The following CTSH variants were observed in gnomAD, a reference collection of about 807,000 sequenced individuals.
The protein encoded by CTSH is cathepsin H.
A neutral mutation model predicts 56.3 loss-of-function variants in CTSH; 52 were observed. The ratio of observed to expected loss-of-function variants is 0.92; its 90% CI spans 0.74 to 1.16. The LOEUF is 1.16. CTSH is among the 50% of genes most tolerant of loss of function. The probability of loss-of-function intolerance (pLI) is 0.00; values close to 1 mark genes in which losing one functional copy is unlikely to be tolerated. For synonymous variants in CTSH, 174 were observed against 155.7 expected, an observed-to-expected ratio of 1.12 and a Z score of -0.88; for missense variants, 406 against 424.5, an observed-to-expected ratio of 0.96 and a Z score of 0.38.
chr15:78,922,715 C>T (rs1461828803), intron 11 of CTSH, among the ~76,000 whole-genome samples: 1 of 152,218 alleles, frequency 6.6e-6, no homozygotes, highest in Non-Finnish European at 1.5e-5. Context: ...AGCAGAGTTC[C>T]AAGTTCTGAG....
chr15:78,937,180 C>A (rs1375639120), intron 3 of CTSH, 138 bp downstream of exon 3: 6 of 673,212 alleles, frequency 8.9e-6, no homozygotes, highest in Non-Finnish European at 1.6e-5. Flanking sequence ...ACAGCGGAGC[C>A]ACAATCTGAG....
At chr15:78,941,422 TAAAAAAAAA>T (rs35226827) in intron 1 of CTSH, among the ~76,000 whole-genome samples, 2 of 48,436 alleles carry the variant, frequency 4.1e-5, no homozygotes, top group Non-Finnish European at 6.4e-5. Flanking sequence ...AGACTCTGTC[TAAAAAAAAA>T]AAAAAAAAAA....
chr15:78,936,168 T>C (rs2055170379), intron 3 of CTSH, among the ~76,000 whole-genome samples: 1 of 139,600 alleles, frequency 7.2e-6, no homozygotes, highest in South Asian at 2.3e-4. Flanking sequence ...TTTCTGCTTT[T>C]TCTTTTCTTT....
intron 1 of CTSH, chr15:78,944,677 C>T: frequency 1.1e-6 from 1 of 892,840 alleles, no homozygotes; most frequent in Non-Finnish European, 1.6e-6. Flanking sequence ...CTCAGCCCAT[C>T]TGCTCCTCTG....
chr15:78,939,097 T>C, intron 2 of CTSH, 43 bp downstream of exon 2: 6 of 1,554,212 alleles, frequency 3.9e-6, no homozygotes, highest in East Asian at 2.2e-5. Context: ...ACAGGAAACT[T>C]TGTGAAATGA....
chr15:78,937,795 G>A, intron 2 of CTSH: 2 of 1,300,826 alleles, frequency 1.5e-6, no homozygotes, highest in South Asian at 2.5e-5. Context: ...AACTGATTCT[G>A]CAACCAGTAC....
chr15:78,923,814 T>G (rs1162430690), intron 10 of CTSH, among the ~76,000 whole-genome samples: 1 of 152,130 alleles, frequency 6.6e-6, no homozygotes, highest in Non-Finnish European at 1.5e-5. Context: ...AAAATACAAC[T>G]TTTTCTGTTT....
At chr15:78,931,348 A>C in intron 7 of CTSH, 103 bp downstream of exon 7, 1 of 1,460,262 alleles carries the variant, frequency 6.8e-7, no homozygotes. Flanking sequence ...CGCCCAGGGC[A>C]GTGGTGGGTT....
Position 78,935,769 on chromosome 15 carries a change from A to G in CTSH, c.230-19T>C. On this transcript the variant is annotated intron_variant, in intron 3 of 11. Transcript: ENST00000220166. ...AGTGCCACTACAAAAGAGAAGGAAA[A>G]AACCAAAACAGAAATGGTTAGTGAA... The G allele has an allele frequency of 6.3e-7, 1 of 1,585,682 alleles. No individual in the cohort carries two copies. Among genetic ancestry groups the G allele is most frequent in the South Asian group, 1.1e-5 (1 of 89,082 alleles).
At position 78,931,357 on chromosome 15, in the gene CTSH, T is replaced by C. The variant is rs1315174012; in HGVS notation, c.548+94A>G. ...TGCCATCGCCCAGGGCAGTGGTGGG[T>C]TATATCTGTGGCAGACCCAGCACAC... On this transcript the variant is annotated intron_variant, in intron 7 of 11. Transcript: ENST00000220166. The C allele has an allele frequency of 3.3e-6, 5 of 1,532,700 alleles. No individual in the cohort carries two copies. The South Asian group carries it at 4.5e-5, about 14-fold the overall frequency. The allele number at this position is 1,532,700 out of a possible 1,614,324, so 94.9% of individuals were successfully genotyped here. A position where few individuals can be genotyped will look rare whatever the true frequency, so the allele number is the denominator to read the frequency against.
chr15:78,937,049 T>A, intron 3 of CTSH: 1 of 448,968 alleles, frequency 2.2e-6, no homozygotes, highest in Non-Finnish European at 4.0e-6. Context: ...GCTTCCAGGC[T>A]GGACCCTCAG....
At chr15:78,944,440 C>T (rs1001542877) in intron 1 of CTSH, 1 of 154,644 alleles carries the variant, frequency 6.5e-6, no homozygotes, top group African/African-American at 2.4e-5. Flanking sequence ...GCCCGTCCAA[C>T]CTACTCTACA....
At chr15:78,940,869 G>C (rs1372355376) in intron 1 of CTSH, among the ~76,000 whole-genome samples, 2 of 152,202 alleles carry the variant, frequency 1.3e-5, no homozygotes, top group African/African-American at 4.8e-5. Flanking sequence ...TGAGGCAGGA[G>C]GATCGCTTGA....
intron 3 of CTSH, 57 bp from the exon 4 acceptor site, chr15:78,935,807 A>G (rs894161358): frequency 1.1e-5 from 15 of 1,323,988 alleles, no homozygotes; most frequent in African/African-American, 2.9e-5. Context: ...ACTAATGAAG[A>G]AACAAGAAAA....
intron 6 of CTSH, chr15:78,931,853 G>A: frequency 7.9e-7 from 1 of 1,263,948 alleles, no homozygotes; most frequent in Non-Finnish European, 1.0e-6. Context: ...GGCCCAGCCA[G>A]AGACCCTACC....
At chr15:78,931,550 G>A (rs778117549) in intron 6 of CTSH, 44 bp from the exon 7 acceptor site, 23 of 1,613,844 alleles carry the variant, frequency 1.4e-5, no homozygotes, top group South Asian at 9.9e-5. Context: ...CTGAGAAGCC[G>A]TCAAGGCTTT....
chr15:78,938,853 G>T (rs2055230769), intron 2 of CTSH, among the ~76,000 whole-genome samples: 1 of 151,954 alleles, frequency 6.6e-6, no homozygotes, highest in Non-Finnish European at 1.5e-5. Context: ...TTTTACAATG[G>T]TTGTACTAAT....
At chr15:78,931,424 T>C (rs1177021345) in intron 7 of CTSH, 27 bp downstream of exon 7, 2 of 1,614,038 alleles carry the variant, frequency 1.2e-6, no homozygotes, top group East Asian at 2.2e-5. Flanking sequence ...TGAGGAAGTT[T>C]TGGGCCCCTT....
At chr15:78,922,833 AG>A (rs1281774779) in intron 11 of CTSH, among the ~76,000 whole-genome samples, 159 bp downstream of exon 11, 5 of 152,142 alleles carry the variant, frequency 3.3e-5, no homozygotes, top group African/African-American at 9.7e-5. Flanking sequence ...GGAAATGTGG[AG>A]GCTACATTCT....
Sources: gnomAD v4.1 joint callset for allele counts (sites outside exome capture counted in the v4.1 genomes callset) on GRCh38, gnomAD v4.1.1 for gene constraint, MANE v1.5 for transcripts, NCBI Gene and HGNC (gene_info 2026-07-23, HGNC 2026-07-21) for gene names.